The following PPIP5K1 variants were observed in gnomAD, a reference collection of about 807,000 sequenced individuals.
The protein encoded by PPIP5K1 is diphosphoinositol pentakisphosphate kinase 1, also known as inositol hexakisphosphate and diphosphoinositol-pentakisphosphate kinase 1.
Under a neutral mutation model 27.7 loss-of-function variants are expected in PPIP5K1, and 6 were observed. That is an observed-to-expected ratio of 0.22 (90% CI 0.12 to 0.43). The LOEUF (loss-of-function observed/expected upper bound fraction) is 0.43, where lower values mean the gene tolerates loss of function less well. Ranked by LOEUF, PPIP5K1 falls within the 20% of genes least tolerant of loss-of-function variation. PPIP5K1 has a pLI of 1.00. For missense variants in PPIP5K1, 394 were observed against 635.4 expected (o/e 0.62, Z 4.08); for synonymous variants, 145 against 242.6 (o/e 0.60, Z 3.74).
At chr15:43,579,653 A>ATATTTT (rs1567095270) in intron 10 of PPIP5K1, among the ~76,000 whole-genome samples, 1 of 28,794 alleles carries the variant, frequency 3.5e-5, no homozygotes, top group Non-Finnish European at 5.0e-5. Context: ...ATATATATAT[A>ATATTTT]TTTTTTTTTT....
At chr15:43,578,535 CAAAAA>C (rs150737493) in intron 11 of PPIP5K1, among the ~76,000 whole-genome samples, 549 of 29,606 alleles carry the variant, frequency 0.019, 8 homozygotes, top group African/African-American at 0.044. Context: ...GATCCTGTCG[CAAAAA>C]AAAAAAAAAA....
At chr15:43,586,706 G>GATGATAATA (rs1444586840) in intron 1 of PPIP5K1, among the ~76,000 whole-genome samples, 33 of 96,570 alleles carry the variant, frequency 3.4e-4, no homozygotes, top group Non-Finnish European at 4.9e-4. Flanking sequence ...AAATAATGAT[G>GATGATAATA]ATAATAATAA....
chr15:43,534,511 A>T lies in PPIP5K1; in HGVS notation c.*163T>A. 1 of 643,684 alleles carries T rather than the reference A, an allele frequency of 1.6e-6. No individual in the cohort carries two copies. The highest frequency in any genetic ancestry group is 2.6e-6 in the Non-Finnish European group (1 of 387,946). 39.9% of individuals were successfully genotyped at this position (643,684 alleles called of 1,614,324 possible). ...GCTCAAATGGCTGGTATAGTGTGAT[A>T]CCACTAATGAGAAAATTAATCACAT... On this transcript the variant is annotated 3_prime_UTR_variant, in exon 32 of 32. Transcript: ENST00000420765.
Position 43,587,017 on chromosome 15 carries a change from A to C in PPIP5K1, c.-122-2125T>G, listed in dbSNP as rs1431289086. ...TCTTAAGACTTTAACTTGAACCAGC[A>C]GTTCCACTTCTGTGTACACACAAGT... On this transcript the variant is annotated intron_variant, in intron 1 of 31. Transcript: ENST00000420765. Among the ~76,000 whole-genome samples the C allele has an allele frequency of 4.9e-5, 5 of 101,634 alleles. No individual in the cohort carries two copies. In the East Asian group the frequency reaches 1.7e-3, roughly 35 times the overall value. 66.7% of individuals were successfully genotyped at this position (101,634 alleles called of 152,430 possible).
intron 31 of PPIP5K1, 87 bp from the exon 32 acceptor site, chr15:43,535,563 G>A (rs1365008282): frequency 1.8e-6 from 2 of 1,105,872 alleles, no homozygotes; most frequent in Non-Finnish European, 1.3e-6. Flanking sequence ...TAGAATTGTT[G>A]GCCTATGCTA....
chr15:43,567,417 C>CACCG (rs2084242935), intron 26 of PPIP5K1, among the ~76,000 whole-genome samples: 4 of 2,108 alleles, frequency 1.9e-3, no homozygotes, highest in Non-Finnish European at 4.0e-3. Context: ...TGCGCCTGGC[C>CACCG]AGATCTACAC....
At chr15:43,548,406 CT>C (rs1051416710) in intron 30 of PPIP5K1, 81 of 143,446 alleles carry the variant, frequency 5.6e-4, no homozygotes, top group African/African-American at 8.4e-4. Context: ...CACACCCAGG[CT>C]TTTTTTTTTT....
chr15:43,580,685 C>G (rs2084947609), intron 10 of PPIP5K1, among the ~76,000 whole-genome samples: 3 of 94,094 alleles, frequency 3.2e-5, no homozygotes. Flanking sequence ...ACCTTCACCT[C>G]CTGCGTTCAA....
At chr15:43,535,539 G>T in intron 31 of PPIP5K1, 63 bp from the exon 32 acceptor site, 1 of 1,312,754 alleles carries the variant, frequency 7.6e-7, no homozygotes, top group Non-Finnish European at 1.0e-6. Flanking sequence ...ACCCTGTGCA[G>T]ATAGTTCAAA....
Position 43,534,879 on chromosome 15 carries a change from A to G in PPIP5K1, c.4268T>C (p.Val1423Ala), listed in dbSNP as rs1273175845. The G allele has an allele frequency of 6.2e-7, 1 of 1,613,792 alleles. No homozygotes were observed. Among genetic ancestry groups the G allele is most frequent in the Non-Finnish European group, 8.5e-7 (1 of 1,179,918 alleles). Residue 1423 changes from valine (V) to alanine (A), a missense_variant, in exon 32 of 32, where the codon GTA (valine) becomes GCA (alanine). This residue lies in a region of PPIP5K1 where 379 missense variants were observed against 423.9 expected (regional missense o/e 0.89). Transcript: ENST00000420765. ...GVGSLVQETL[V>A]EVGSPAEEIP... is the part of the protein sequence containing the mutation. ...CTCTTCAGCTGGGCTGCCAACTTCT[A>G]CAAGGGTTTCCTGGACCAAGCTACC...
intron 30 of PPIP5K1, among the ~76,000 whole-genome samples, chr15:43,544,111 C>A (rs1398033890): frequency 1.3e-5 from 2 of 152,088 alleles, no homozygotes; most frequent in Non-Finnish European, 2.9e-5. Flanking sequence ...CAAAAAGGCA[C>A]ACTCAGAGAA....
rs1216929288 is a variant in PPIP5K1, at chr15:43,535,211, G to A, written c.3936C>T (p.Ser1312=). Reference sequence around the variant, plus strand: ...TGTCAGGGACCTCCTGACATGGCTGGCTGACCTCCTCGTATGGCTGGCTGG... The same window carrying A: ...TGTCAGGGACCTCCTGACATGGCTGACTGACCTCCTCGTATGGCTGGCTGG... The part of the protein sequence containing the change: ...METSQPYEEV[S]QPCQEVPDIS... Residue 1312 remains serine, a synonymous_variant, in exon 32 of 32, where the codon AGC becomes AGT. Coordinates refer to ENST00000420765, the MANE Select transcript of PPIP5K1 (RefSeq NM_001394395.1). The A allele has an allele frequency of 6.2e-7, 1 of 1,614,026 alleles. No homozygotes were observed. The highest frequency in any genetic ancestry group is 1.3e-5 in the African/African-American group (1 of 74,914).
chr15:43,553,802 G>A (rs1180663314), intron 30 of PPIP5K1, among the ~76,000 whole-genome samples: 6 of 151,788 alleles, frequency 4.0e-5, no homozygotes, highest in African/African-American at 9.7e-5. Flanking sequence ...CCGCCACCAC[G>A]CCCGGCTAAT....
At chr15:43,535,754 C>G (rs546338069) in intron 31 of PPIP5K1, among the ~76,000 whole-genome samples, 11 of 152,312 alleles carry the variant, frequency 7.2e-5, no homozygotes, top group African/African-American at 2.6e-4. Flanking sequence ...CACAAATACA[C>G]TCCCATCCCA....
At chr15:43,579,362 T>C (rs2084658736) in intron 10 of PPIP5K1, among the ~76,000 whole-genome samples, 1 of 79,980 alleles carries the variant, frequency 1.3e-5, no homozygotes, top group Non-Finnish European at 2.0e-5. Context: ...TAGGGAGGAG[T>C]ACATAGGGGC....
At chr15:43,538,204 G>A (rs1229898609) in intron 31 of PPIP5K1, among the ~76,000 whole-genome samples, 3 of 152,078 alleles carry the variant, frequency 2.0e-5, no homozygotes, top group Admixed American at 6.6e-5. Flanking sequence ...TCTTTACTTC[G>A]GTCCTATCCA....
chr15:43,555,285 TTA>T (rs1456325462), intron 30 of PPIP5K1, among the ~76,000 whole-genome samples: 2 of 152,102 alleles, frequency 1.3e-5, no homozygotes, highest in African/African-American at 4.8e-5. Flanking sequence ...ATTTATTTAT[TTA>T]TGTTTTGAGA....
chr15:43,559,071 A>T (rs569301708), intron 29 of PPIP5K1, 139 bp from the exon 30 acceptor site: 1 of 973,786 alleles, frequency 1.0e-6, no homozygotes, highest in Non-Finnish European at 1.5e-6. Context: ...GACTCTTAGG[A>T]GAGGGAACTC....
intron 31 of PPIP5K1, chr15:43,537,344 C>CAAAAAAAAAAAAAA: frequency 1.2e-5 from 1 of 82,870 alleles, no homozygotes; most frequent in South Asian, 7.0e-5. Flanking sequence ...GACTCCACCT[C>CAAAAAAAAAAAAAA]AAAAAAAAAA....
Sources: allele counts gnomAD v4.1 joint callset (sites outside exome capture counted in the v4.1 genomes callset), GRCh38; gene constraint gnomAD v4.1.1; regional missense constraint gnomAD v4.1.1; transcripts MANE v1.5; gene names NCBI Gene and HGNC (gene_info 2026-07-23, HGNC 2026-07-21).